Variants in CNTNAP4 observed in about 807,000 individuals in gnomAD.
CNTNAP4 encodes contactin associated protein family member 4.
CNTNAP4 carries 98 observed loss-of-function variants against 148.4 expected under a neutral mutation model. That is an observed-to-expected ratio of 0.66 (90% CI 0.56 to 0.78). The LOEUF (loss-of-function observed/expected upper bound fraction) is 0.78, where lower values mean the gene tolerates loss of function less well. Ranked by LOEUF, CNTNAP4 falls within the 30% of genes least tolerant of loss-of-function variation. CNTNAP4 has a pLI of 0.00. For synonymous variants in CNTNAP4, 730 were observed against 565.1 expected (o/e 1.29, Z -4.14); for missense variants, 1,935 against 1,565.6 (o/e 1.24, Z -3.98).
chr16:76,282,547 A>T (rs73619250), intron 1 of CNTNAP4, among the ~76,000 whole-genome samples: 5,271 of 151,960 alleles, frequency 0.035, 328 homozygotes, highest in African/African-American at 0.12. Flanking sequence ...ATAGAAGAGT[A>T]TTTTTGCTCC....
chr16:76,504,441 C>A (rs1264755444), intron 15 of CNTNAP4, among the ~76,000 whole-genome samples: 2 of 151,878 alleles, frequency 1.3e-5, no homozygotes, highest in Non-Finnish European at 2.9e-5. Context: ...TCAATTCATA[C>A]TTCAAAGCAG....
chr16:76,306,142 G>T (rs1960457784), intron 1 of CNTNAP4, among the ~76,000 whole-genome samples: 1 of 152,056 alleles, frequency 6.6e-6, no homozygotes. Context: ...TGTCTTTTTG[G>T]TATAAAGGTC....
At chr16:76,341,831 G>A (rs555971976) in intron 2 of CNTNAP4, among the ~76,000 whole-genome samples, 8 of 152,240 alleles carry the variant, frequency 5.3e-5, no homozygotes, top group Non-Finnish European at 8.8e-5. Flanking sequence ...GCTTTTTAGC[G>A]AAAGTAAAGA....
At chr16:76,400,351 T>C (rs2078365338) in intron 3 of CNTNAP4, among the ~76,000 whole-genome samples, 1 of 152,212 alleles carries the variant, frequency 6.6e-6, no homozygotes, top group Admixed American at 6.5e-5. Flanking sequence ...TTGAAATATA[T>C]AATATATTGC....
chr16:76,538,811 C>T (rs2084328245), intron 19 of CNTNAP4, among the ~76,000 whole-genome samples: 1 of 151,802 alleles, frequency 6.6e-6, no homozygotes, highest in Non-Finnish European at 1.5e-5. Context: ...AAAAAATCAT[C>T]ATGGGAAAAA....
chr16:76,523,632 G>A (rs2083582818), intron 17 of CNTNAP4, among the ~76,000 whole-genome samples: 2 of 152,130 alleles, frequency 1.3e-5, no homozygotes, highest in Admixed American at 6.5e-5. Flanking sequence ...TAAATGATAA[G>A]TTATTAGAAA....
chr16:76,385,721 C>A (rs961657430), intron 3 of CNTNAP4, among the ~76,000 whole-genome samples: 10 of 152,126 alleles, frequency 6.6e-5, no homozygotes, highest in African/African-American at 2.4e-4. Flanking sequence ...CCCATCAATA[C>A]GTAACCTTGT....
chr16:76,536,300 A>G (rs146466872), intron 18 of CNTNAP4, among the ~76,000 whole-genome samples: 278 of 152,008 alleles, frequency 1.8e-3, no homozygotes, highest in African/African-American at 5.7e-3. Flanking sequence ...GGTTCAAGCG[A>G]TTCTCCTGCC....
intron 3 of CNTNAP4, among the ~76,000 whole-genome samples, chr16:76,382,712 A>G (rs1255444939): frequency 6.6e-6 from 1 of 152,200 alleles, no homozygotes; most frequent in Non-Finnish European, 1.5e-5. Flanking sequence ...GAAATTATCA[A>G]GGAAAAATGA....
intron 21 of CNTNAP4, among the ~76,000 whole-genome samples, chr16:76,547,830 G>A (rs1000269347): frequency 1.5e-4 from 23 of 152,330 alleles, no homozygotes; most frequent in African/African-American, 5.5e-4. Context: ...TGGTCTGAGA[G>A]AAGAGGATGT....
chr16:76,491,623 A>G (rs897678939), intron 13 of CNTNAP4, among the ~76,000 whole-genome samples: 2 of 152,220 alleles, frequency 1.3e-5, no homozygotes, highest in Non-Finnish European at 2.9e-5. Flanking sequence ...ACAGATAAGC[A>G]AATCTGGAAG....
chr16:76,335,845 C>T (rs539817404), intron 2 of CNTNAP4, among the ~76,000 whole-genome samples: 1 of 152,284 alleles, frequency 6.6e-6, no homozygotes, highest in African/African-American at 2.4e-5. Context: ...CAAGGTCTCA[C>T]ACCTGGGATG....
intron 3 of CNTNAP4, among the ~76,000 whole-genome samples, chr16:76,371,359 G>A (rs1159913048): frequency 2.6e-5 from 4 of 152,030 alleles, no homozygotes; most frequent in Admixed American, 2.6e-4. Flanking sequence ...GATCTTGGTT[G>A]ACTGCAACCT....
chr16:76,413,617 ATTTTG>A (rs1393354641), intron 3 of CNTNAP4, among the ~76,000 whole-genome samples: 1 of 150,716 alleles, frequency 6.6e-6, no homozygotes, highest in Non-Finnish European at 1.5e-5. Flanking sequence ...GGTGATTTCC[ATTTTG>A]TTACATTTCC....
intron 3 of CNTNAP4, among the ~76,000 whole-genome samples, chr16:76,397,343 C>G (rs2144808353): frequency 6.6e-6 from 1 of 151,952 alleles, no homozygotes; most frequent in South Asian, 2.1e-4. Flanking sequence ...CCCGAGCTAC[C>G]AATGTCAGGA....
Position 76,470,495 on chromosome 16 carries a change from A to ATATATATATT in CNTNAP4, c.1655+2974_1655+2975insTATATATTTA, listed in dbSNP as rs546770074. Among the ~76,000 whole-genome samples the ATATATATATT allele has an allele frequency of 4.4e-4, 59 of 133,874 alleles. 2 individuals are homozygous for ATATATATATT. The South Asian group carries it at 5.1e-3, about 11-fold the overall frequency. The allele number at this position is 133,874 out of a possible 152,430, so 87.8% of individuals were successfully genotyped here. ...GTCTCTACTAATAATATATATATAT[A>ATATATATATT]TAAAATTAGTCGGGCATGGTGGCAC... On this transcript the variant is annotated intron_variant, in intron 10 of 23. Transcript: ENST00000611870.
At chr16:76,440,687 G>A (rs1388920706) in intron 4 of CNTNAP4, among the ~76,000 whole-genome samples, 1 of 152,144 alleles carries the variant, frequency 6.6e-6, no homozygotes, top group East Asian at 1.9e-4. Context: ...TAGAATTCCA[G>A]AGATTCTAAT....
At chr16:76,389,434 T>G (rs1394774322) in intron 3 of CNTNAP4, among the ~76,000 whole-genome samples, 1 of 151,904 alleles carries the variant, frequency 6.6e-6, no homozygotes, top group East Asian at 1.9e-4. Flanking sequence ...TGCTGTTTAG[T>G]TTTTTTTGTT....
At chr16:76,462,619 C>T (rs545504688) in intron 9 of CNTNAP4, among the ~76,000 whole-genome samples, 15 of 152,268 alleles carry the variant, frequency 9.9e-5, no homozygotes, top group African/African-American at 3.6e-4. Context: ...GGGCATCAGC[C>T]TTCGACACCA....
Sources: allele counts gnomAD v4.1 joint callset (sites outside exome capture counted in the v4.1 genomes callset), GRCh38; gene constraint gnomAD v4.1.1; transcripts MANE v1.5; gene names NCBI Gene and HGNC (gene_info 2026-07-23, HGNC 2026-07-21).